CHST6: variants seen among roughly 807,000 people sequenced by gnomAD.
CHST6 encodes the protein N-acetylglucosamine 6-O-sulfotransferase 5.
For synonymous variants in CHST6, 309 were observed against 276.4 expected (o/e 1.12, Z -1.17); for missense variants, 698 against 586.2 (o/e 1.19, Z -1.97).
chr16:75,484,369 T>A lies in CHST6; in HGVS notation c.-91-2478A>T, dbSNP rs572845929. Among the ~76,000 whole-genome samples, 131 of 151,890 alleles carry A rather than the reference T, an allele frequency of 8.6e-4. 1 individual carries two copies. The highest frequency in any genetic ancestry group is 1.9e-3 in the South Asian group (9 of 4,804). ...AAATAAATAAATAAACAAACAAACA[T>A]ACATAAATACATCGAAGAACCAGAC... On this transcript the variant is annotated intron_variant, in intron 1 of 2. Transcript: ENST00000332272.
intron 1 of CHST6, among the ~76,000 whole-genome samples, chr16:75,485,174 G>GT (rs1451649391): frequency 6.6e-6 from 1 of 152,194 alleles, no homozygotes; most frequent in Non-Finnish European, 1.5e-5. Flanking sequence ...AGAAAGTTCT[G>GT]TTTCTTGTTT....
At chr16:75,494,307 C>G (rs1164463840) in intron 1 of CHST6, among the ~76,000 whole-genome samples, 1 of 152,144 alleles carries the variant, frequency 6.6e-6, no homozygotes, top group Non-Finnish European at 1.5e-5. Context: ...TGGAGAGGAG[C>G]CCAGCCCCAG....
At chr16:75,481,040 C>T (rs763498195) in intron 2 of CHST6, among the ~76,000 whole-genome samples, 16 of 151,930 alleles carry the variant, frequency 1.1e-4, no homozygotes, top group Non-Finnish European at 2.1e-4. Flanking sequence ...GGGAGGATAC[C>T]TTGAGGCGAA....
intron 1 of CHST6, among the ~76,000 whole-genome samples, chr16:75,486,640 A>G (rs2151670466): frequency 6.6e-6 from 1 of 152,390 alleles, no homozygotes; most frequent in East Asian, 1.9e-4. Context: ...ACAACAGAAG[A>G]GAACTCAGCA....
chr16:75,486,379 C>T (rs2080198592), intron 1 of CHST6, among the ~76,000 whole-genome samples: 1 of 152,228 alleles, frequency 6.6e-6, no homozygotes, highest in Non-Finnish European at 1.5e-5. Flanking sequence ...TGATAACAGT[C>T]TCTAGGCTTT....
chr16:75,478,769 G>GCAGCGCAC lies in CHST6; in HGVS notation c.1052_1059dup (p.Gln354ValfsTer30), dbSNP rs749843355. 2 of 1,613,514 alleles carry GCAGCGCAC rather than the reference G, an allele frequency of 1.2e-6. No homozygotes were observed. The highest frequency in any genetic ancestry group is 1.7e-6 in the Non-Finnish European group (2 of 1,180,008). On this transcript the variant is annotated frameshift_variant, in exon 3 of 3. Transcript: ENST00000332272. LOFTEE classifies it low-confidence loss of function (END_TRUNC). The stretch of plus-strand genomic sequence containing the variant: ...TACACAGGCCGGTAGCCCAGCAGCT[G>GCAGCGCAC]CAGCGCACCAGCGCACAGTTCCTGC...
rs904647471 is a variant in CHST6, at chr16:75,473,745, GT to G, written c.*4895del. ...TTACCACCTTTGGAAGCCTAAAACT[GT>G]TGTCCTTGGTCATCCTATCTCTACA... On this transcript the variant is annotated 3_prime_UTR_variant, in exon 3 of 3. Coordinates refer to ENST00000332272, the MANE Select transcript of CHST6 (RefSeq NM_021615.5). The G allele has an allele frequency of 6.6e-6, 1 of 152,122 alleles. No individual in the cohort carries two copies. The highest frequency in any genetic ancestry group is 2.4e-5 in the African/African-American group (1 of 41,430). 9.4% of individuals were successfully genotyped at this position (152,122 alleles called of 1,614,324 possible).
chr16:75,494,950 G>A lies in CHST6; in HGVS notation c.-102C>T, dbSNP rs1292449054. The A allele has an allele frequency of 6.6e-6, 1 of 152,376 alleles. No homozygotes were observed. Among genetic ancestry groups the A allele is most frequent in the Non-Finnish European group, 1.5e-5 (1 of 68,188 alleles). 9.4% of individuals were successfully genotyped at this position (152,376 alleles called of 1,614,324 possible). On this transcript the variant is annotated 5_prime_UTR_variant, in exon 1 of 3. Transcript: ENST00000332272. The stretch of plus-strand genomic sequence containing the variant: ...GAAGAACCAACGTACCCCAAAGCTT[G>A]GCGGCTCTGCCCGAGCTGCAGCGGC...
At chr16:75,480,765 C>T (rs1052540679) in intron 2 of CHST6, among the ~76,000 whole-genome samples, 1 of 151,352 alleles carries the variant, frequency 6.6e-6, no homozygotes, top group Admixed American at 6.6e-5. Context: ...ATCATGTCTA[C>T]TAAGTATACA....
At chr16:75,484,708 G>T (rs2080177114) in intron 1 of CHST6, among the ~76,000 whole-genome samples, 1 of 152,032 alleles carries the variant, frequency 6.6e-6, no homozygotes, top group Non-Finnish European at 1.5e-5. Flanking sequence ...GCCGGGTGTG[G>T]TGGTGAGTGC....
intron 1 of CHST6, chr16:75,490,535 C>G (rs767776932): frequency 6.6e-6 from 1 of 151,974 alleles, no homozygotes; most frequent in Non-Finnish European, 1.5e-5. Context: ...CAAATTAAAC[C>G]ACAGTGACAA....
rs72547548 is a variant in CHST6 at position 75,479,647 on chromosome 16, T to C, written c.182A>G (p.Asn61Ser). 8.7e-6 allele frequency: 14 copies of C among 1,612,684 alleles called. No individual in the cohort carries two copies. The highest frequency in any genetic ancestry group is 1.7e-5 in the Admixed American group (1 of 59,986). The change falls in exon 3 of 3, where the codon AAC becomes AGC. Residue 61 changes from asparagine (N) to serine (S), a missense_variant. Physicochemically the swap from Asn to Ser is conservative, Grantham distance 46. Coordinates refer to ENST00000332272, the MANE Select transcript of CHST6 (RefSeq NM_021615.5). ...TAGGTAGAAGACGTCGGGGTGCTGG[T>C]TGAAGAGTTGGCCCACGAAGGACGA... The part of the protein sequence containing the change: ...SGSSFVGQLF[N>S]QHPDVFYLME...
chr16:75,491,190 AATATATATATATAT>A (rs1555501738), intron 1 of CHST6, among the ~76,000 whole-genome samples: 1 of 50,076 alleles, frequency 2.0e-5, no homozygotes, highest in Non-Finnish European at 3.0e-5. Flanking sequence ...AAAAAAAAAA[AATATATATATATAT>A]ATATATATAT....
chr16:75,485,108 C>T (rs2080181784), intron 1 of CHST6, among the ~76,000 whole-genome samples: 1 of 152,006 alleles, frequency 6.6e-6, no homozygotes, highest in South Asian at 2.1e-4. Context: ...TGAAAATGAT[C>T]ATATTTTTTC....
chr16:75,488,600 AG>A (rs1040826365), intron 1 of CHST6, among the ~76,000 whole-genome samples: 16 of 152,294 alleles, frequency 1.1e-4, no homozygotes, highest in Admixed American at 9.2e-4. Context: ...GGCATTTGGA[AG>A]GGGGAAGGCT....
chr16:75,493,981 A>G (rs1211271748), intron 1 of CHST6, among the ~76,000 whole-genome samples: 3 of 152,160 alleles, frequency 2.0e-5, no homozygotes, highest in Non-Finnish European at 4.4e-5. Context: ...AGTAGCTGGG[A>G]TTACAGGCAC....
intron 1 of CHST6, among the ~76,000 whole-genome samples, chr16:75,485,257 T>C (rs1249373207): frequency 6.6e-6 from 1 of 152,210 alleles, no homozygotes; most frequent in East Asian, 1.9e-4. Flanking sequence ...ATTAACTCTT[T>C]TTAAAATTTA....
chr16:75,491,200 T>A (rs1371809856), intron 1 of CHST6, among the ~76,000 whole-genome samples: 25 of 116,142 alleles, frequency 2.2e-4, no homozygotes, highest in South Asian at 2.9e-4. Flanking sequence ...AATATATATA[T>A]ATATATATAT....
At chr16:75,484,858 CA>C (rs2080178734) in intron 1 of CHST6, among the ~76,000 whole-genome samples, 1 of 151,960 alleles carries the variant, frequency 6.6e-6, no homozygotes, top group Non-Finnish European at 1.5e-5. Context: ...ACAAAACAAA[CA>C]AACAAAAAAA....
Sources: gnomAD v4.1 joint callset for allele counts (sites outside exome capture counted in the v4.1 genomes callset) on GRCh38, gnomAD v4.1.1 for gene constraint, MANE v1.5 for transcripts, NCBI Gene and HGNC (gene_info 2026-07-23, HGNC 2026-07-21) for gene names.